BUB1: variants seen among roughly 807,000 people sequenced by gnomAD.
BUB1 encodes the protein mitotic checkpoint serine/threonine-protein kinase BUB1.
BUB1 carries 84 observed loss-of-function variants against 135.2 expected under a neutral mutation model. The ratio of observed to expected loss-of-function variants is 0.62; its 90% CI spans 0.52 to 0.74. The LOEUF (loss-of-function observed/expected upper bound fraction) is 0.74, where lower values mean the gene tolerates loss of function less well. Ranked by LOEUF, BUB1 falls within the 30% of genes least tolerant of loss-of-function variation. BUB1 has a pLI of 0.00. For synonymous variants in BUB1, 403 were observed against 434.4 expected, an observed-to-expected ratio of 0.93 and a Z score of 0.90; for missense variants, 1,162 against 1,288.3, an observed-to-expected ratio of 0.90 and a Z score of 1.50.
intron 19 of BUB1, among the ~76,000 whole-genome samples, chr2:110,646,605 T>C (rs1240280655): frequency 1.3e-5 from 2 of 152,184 alleles, no homozygotes; most frequent in South Asian, 2.1e-4. Context: ...ACAGAAATCA[T>C]ACACAGTATG....
rs771494557 is a variant in BUB1 at position 110,640,988 on chromosome 2, C to T, written c.2955+46G>A. The T allele has an allele frequency of 6.0e-5, 91 of 1,506,932 alleles. 1 individual carries two copies. The highest frequency in any genetic ancestry group is 4.4e-4 in the South Asian group (31 of 69,940). The allele number at this position is 1,506,932 out of a possible 1,614,324, so 93.3% of individuals were successfully genotyped here. ...AAATTCATTTTGAAAATCTGATAAG[C>T]GCAACACAGAAAAATATTTCCAAGT... On this transcript the variant is annotated intron_variant, in intron 23 of 24. Coordinates refer to ENST00000302759, the MANE Select transcript of BUB1 (RefSeq NM_004336.5).
chr2:110,670,507 T>C lies in BUB1; in HGVS notation c.466+18A>G. ...ACTAAATGGACAACAACAGGCATTT[T>C]AGAAAGCCTGATTTTACCTTGAGCT... On this transcript the variant is annotated intron_variant, in intron 5 of 24. Transcript: ENST00000302759. 6.2e-7 allele frequency: 1 copy of C among 1,613,544 alleles called. No individual in the cohort carries two copies. Among genetic ancestry groups the C allele is most frequent in the Non-Finnish European group, 8.5e-7 (1 of 1,179,412 alleles).
In BUB1 at chr2:110,649,458, G is replaced by A. The variant is rs906372812; in HGVS notation, c.2204-81C>T. 24 of 1,288,642 alleles carry A rather than the reference G, an allele frequency of 1.9e-5. No homozygotes were observed. In the African/African-American group the frequency reaches 2.9e-4, roughly 15 times the overall value. The allele number at this position is 1,288,642 out of a possible 1,614,324, so 79.8% of individuals were successfully genotyped here. A position where few individuals can be genotyped will look rare whatever the true frequency, so the allele number is the denominator to read the frequency against. On this transcript the variant is annotated intron_variant, in intron 18 of 24. Transcript: ENST00000302759. ...CTTTACCAAATAAATTATAGACAAA[G>A]TGAGTAGAGATATTTACTAAGTAAG... is the stretch of plus-strand genomic sequence containing the variant.
At position 110,642,177 on chromosome 2, in the gene BUB1, T is replaced by C; in HGVS notation, c.2405A>G (p.Tyr802Cys). 6.2e-7 allele frequency: 1 copy of C among 1,613,864 alleles called. No homozygotes were observed. The highest frequency in any genetic ancestry group is 2.2e-5 in the East Asian group (1 of 44,858). Residue 802 changes from tyrosine (Y) to cysteine (C), a missense_variant, in exon 20 of 25, where the codon TAC becomes TGC. By Grantham distance (194) the Tyr-to-Cys change is radical (BLOSUM62 -2). Transcript: ENST00000302759. ...LLGEGAFAQVYEATQGDLNDA... is the reference protein window; with the variant it reads ...LLGEGAFAQVCEATQGDLNDA... Reference sequence around the variant, plus strand: ...ATTCAGATCTCCCTGGGTAGCTTCGTACACCTGGGCAAAGGCTCCTTCTCC... The same window carrying C: ...ATTCAGATCTCCCTGGGTAGCTTCGCACACCTGGGCAAAGGCTCCTTCTCC...
chr2:110,638,037 T>C lies in BUB1; in HGVS notation c.3185A>G (p.Tyr1062Cys). The change falls in exon 25 of 25, where the codon TAT (tyrosine) becomes TGT (cysteine). Residue 1062 changes from tyrosine (Y) to cysteine (C), a missense_variant. By Grantham distance (194) the Tyr-to-Cys change is radical (BLOSUM62 -2). Coordinates refer to ENST00000302759, the MANE Select transcript of BUB1 (RefSeq NM_004336.5). ...ACGTAGGGCCCTAATCTTGTTAGTATAGTGTTGTTGAAATACTTTCTTCAG... is the reference window on the plus strand; with the variant it reads ...ACGTAGGGCCCTAATCTTGTTAGTACAGTGTTGTTGAAATACTTTCTTCAG... ...QKLKKVFQQH[Y>C]TNKIRALRNR... The C allele has an allele frequency of 1.2e-6, 2 of 1,612,686 alleles. No homozygotes were observed. Among genetic ancestry groups the C allele is most frequent in the Non-Finnish European group, 8.5e-7 (1 of 1,179,422 alleles).
chr2:110,672,828 A>C lies in BUB1; in HGVS notation c.255T>G (p.Phe85Leu), dbSNP rs200941034. 10 of 1,608,566 alleles carry C rather than the reference A, an allele frequency of 6.2e-6. No homozygotes were observed. Among genetic ancestry groups the C allele is most frequent in the Non-Finnish European group, 8.5e-6 (10 of 1,178,370 alleles). Reference sequence around the variant, plus strand: ...TCCCATGGTTGTACAGAAACTCAAAAAATTGATGGAGGTCACTGTTGTACT... The same window carrying C: ...TCCCATGGTTGTACAGAAACTCAAACAATTGATGGAGGTCACTGTTGTACT... ...FAEYNSDLHQ[F>L]FEFLYNHGIG... is the part of the protein sequence containing the mutation. The change falls in exon 4 of 25, where the codon TTT becomes TTG. Residue 85 changes from phenylalanine to leucine, a missense_variant. By Grantham distance (22) the Phe-to-Leu change is conservative. Coordinates refer to ENST00000302759, the MANE Select transcript of BUB1 (RefSeq NM_004336.5).
chr2:110,660,389 A>C (rs1479045743), intron 10 of BUB1, among the ~76,000 whole-genome samples: 1 of 152,166 alleles, frequency 6.6e-6, no homozygotes, highest in Admixed American at 6.5e-5. Context: ...AACAAAAAAA[A>C]AACAAAACAA....
In BUB1 at chr2:110,649,363, TC is replaced by T; in HGVS notation, c.2217del (p.Asn740ThrfsTer7). The T allele has an allele frequency of 6.3e-7, 1 of 1,584,136 alleles. No individual in the cohort carries two copies. Among genetic ancestry groups the T allele is most frequent in the Non-Finnish European group, 8.6e-7 (1 of 1,167,208 alleles). ...AAAATCAGCTTATCATCCCATGGGT[TC>T]CCAACAATGAAGTCTTAAAGGAATG... ...GTVDAPNFIV[G>X]NPWDDKLIFK... On this transcript the variant is annotated frameshift_variant, in exon 19 of 25. Transcript: ENST00000302759. LOFTEE classifies it high-confidence loss of function.
chr2:110,664,248 A>G (rs1690181224), intron 9 of BUB1, among the ~76,000 whole-genome samples: 1 of 152,166 alleles, frequency 6.6e-6, no homozygotes, highest in Non-Finnish European at 1.5e-5. Flanking sequence ...AGAACATTTA[A>G]GCACTAAGTA....
chr2:110,641,248 G>A, intron 22 of BUB1, 43 bp from the exon 23 acceptor site: 1 of 1,585,746 alleles, frequency 6.3e-7, no homozygotes, highest in Non-Finnish European at 8.6e-7. Context: ...GAGCACAAAT[G>A]ATGAAAGGCT....
intron 9 of BUB1, among the ~76,000 whole-genome samples, chr2:110,663,148 C>T (rs557111914): frequency 3.6e-4 from 54 of 152,096 alleles, no homozygotes; most frequent in African/African-American, 1.0e-3. Context: ...GGCATGGTGG[C>T]GGGCGCCTGT....
At chr2:110,646,752 C>T (rs754912742) in intron 19 of BUB1, among the ~76,000 whole-genome samples, 12 of 151,750 alleles carry the variant, frequency 7.9e-5, no homozygotes, top group Non-Finnish European at 1.5e-4. Flanking sequence ...ATTTGTGGGA[C>T]GCAGTAAAGG....
At chr2:110,642,075 A>G in intron 20 of BUB1, 44 bp downstream of exon 20, 1 of 1,426,580 alleles carries the variant, frequency 7.0e-7, no homozygotes, top group Non-Finnish European at 9.6e-7. Flanking sequence ...TCAAGTTCTA[A>G]AATTCATTTC....
At position 110,648,971 on chromosome 2, in the gene BUB1, G is replaced by C. The variant is rs944344818; in HGVS notation, c.2347+263C>G. 1.2e-5 allele frequency: 3 copies of C among 254,310 alleles called. No homozygotes were observed. The highest frequency in any genetic ancestry group is 6.6e-5 in the African/African-American group (3 of 45,118). The allele number at this position is 254,310 out of a possible 1,614,324, so 15.8% of individuals were successfully genotyped here. ...GGAAATCCTTAAAAGTGGATAGCTG[G>C]CTTTAAAAGTAAATGCATTTTTAAT... is the stretch of plus-strand genomic sequence containing the variant. On this transcript the variant is annotated intron_variant, in intron 19 of 24. Coordinates refer to ENST00000302759, the MANE Select transcript of BUB1 (RefSeq NM_004336.5). This position sits in a 1 kb window ranked among gnomAD's most constrained non-coding sequence, Gnocchi z 4.2.
intron 1 of BUB1, among the ~76,000 whole-genome samples, chr2:110,676,871 T>C (rs1285412078): frequency 2.6e-5 from 4 of 152,094 alleles, no homozygotes; most frequent in African/African-American, 9.7e-5. Context: ...TCTCGGTAAA[T>C]ACTGTTCTAA....
chr2:110,647,059 G>A (rs76391808), intron 19 of BUB1, among the ~76,000 whole-genome samples: 4,667 of 152,174 alleles, frequency 0.031, 85 homozygotes, highest in Middle Eastern at 0.048. Flanking sequence ...CTTCCAAAAC[G>A]GGAAGCACTA....
intron 17 of BUB1, among the ~76,000 whole-genome samples, chr2:110,651,379 T>C (rs1457769020): frequency 2.6e-5 from 4 of 152,086 alleles, no homozygotes; most frequent in African/African-American, 9.7e-5. Flanking sequence ...AACAAAAAAG[T>C]TTAAAAAGTG....
At chr2:110,665,482 A>G (rs2104549118) in intron 9 of BUB1, among the ~76,000 whole-genome samples, 1 of 152,066 alleles carries the variant, frequency 6.6e-6, no homozygotes, top group South Asian at 2.1e-4. Flanking sequence ...TAAGGAGGAT[A>G]CAATGAACAG....
chr2:110,652,046 A>G (rs1359626605), intron 17 of BUB1, among the ~76,000 whole-genome samples: 1 of 151,726 alleles, frequency 6.6e-6, no homozygotes, highest in African/African-American at 2.4e-5. Flanking sequence ...GTATATGTAT[A>G]CATATACATC....
Sources: gnomAD v4.1 joint callset for allele counts (sites outside exome capture counted in the v4.1 genomes callset) on GRCh38, gnomAD v4.1.1 for gene constraint, Gnocchi (gnomAD v3.1) non-coding constraint, MANE v1.5 for transcripts, NCBI Gene and HGNC (gene_info 2026-07-23, HGNC 2026-07-21) for gene names.